The following TIPIN variants were observed in gnomAD, a reference collection of about 807,000 sequenced individuals.
The protein encoded by TIPIN is TIMELESS interacting protein, also known as TIMELESS-interacting protein.
TIPIN carries 29 observed loss-of-function variants against 35.6 expected under a neutral mutation model. That is an observed-to-expected ratio of 0.82 (90% CI 0.61 to 1.11). TIPIN has a LOEUF of 1.11. Among genes scored for constraint, TIPIN ranks in the 50% most tolerant of loss-of-function variants. The pLI, the probability that TIPIN is intolerant of heterozygous loss-of-function variation, is 0.00. For missense variants in TIPIN, 296 were observed against 345.4 expected (o/e 0.86, Z 1.13); for synonymous variants, 102 against 121.5 (o/e 0.84, Z 1.06).
chr15:66,339,979 C>T (rs2140439485), intron 7 of TIPIN, among the ~76,000 whole-genome samples: 1 of 151,438 alleles, frequency 6.6e-6, no homozygotes, highest in South Asian at 2.1e-4. Flanking sequence ...AAGCGATTCT[C>T]CTGCCTCAGC....
Position 66,336,971 on chromosome 15 carries a change from G to A in TIPIN, c.893C>T (p.Thr298Ile). ...CTTAATGGAAACTTATCTAGCTTCA[G>A]TAATATTTCTGGATGTAGCATCAAG... ...QQLDATSRNI[T>I]EAR The change falls in exon 8 of 8, where the codon ACT (threonine) becomes ATT (isoleucine). Residue 298 changes from threonine (T) to isoleucine (I), a missense_variant. Thr to Ile is a moderately conservative substitution (Grantham distance 89). Coordinates refer to ENST00000261881, the MANE Select transcript of TIPIN (RefSeq NM_017858.3). 6.2e-7 allele frequency: 1 copy of A among 1,610,974 alleles called. No individual in the cohort carries two copies. Among genetic ancestry groups the A allele is most frequent in the Non-Finnish European group, 8.5e-7 (1 of 1,177,698 alleles).
At chr15:66,361,650 T>C (rs2140478893), upstream of TIPIN, among the ~76,000 whole-genome samples, 1 of 152,178 alleles carries the variant, frequency 6.6e-6, no homozygotes, top group Middle Eastern at 3.4e-3. Flanking sequence ...TTCTTAGCCA[T>C]TTCACCGGAG....
In TIPIN at chr15:66,336,925, G is replaced by T. The variant is rs745762112; in HGVS notation, c.*33C>A. ...AGTAACGCCAAGCTTGCAGGACGAT[G>T]ACTTAACAGATACATTTTCTCTTAA... On this transcript the variant is annotated 3_prime_UTR_variant, in exon 8 of 8. Coordinates refer to ENST00000261881, the MANE Select transcript of TIPIN (RefSeq NM_017858.3). The T allele has an allele frequency of 3.2e-6, 5 of 1,584,224 alleles. No individual in the cohort carries two copies. The South Asian group carries it at 3.3e-5, about 11-fold the overall frequency.
intron 3 of TIPIN, 41 bp from the exon 4 acceptor site, chr15:66,351,641 C>CTTTTT: frequency 3.1e-5 from 34 of 1,092,202 alleles, no homozygotes; most frequent in Admixed American, 7.9e-5. Flanking sequence ...GTTTTATTTT[C>CTTTTT]TTTTTTTTTT....
intron 1 of TIPIN, among the ~76,000 whole-genome samples, chr15:66,369,008 C>T (rs981175882): frequency 2.6e-5 from 4 of 152,074 alleles, no homozygotes; most frequent in Non-Finnish European, 5.9e-5. Flanking sequence ...AGTGGGCTGC[C>T]TGAACACCAG....
upstream of TIPIN, among the ~76,000 whole-genome samples, chr15:66,358,610 T>G (rs1276129525): frequency 6.6e-6 from 1 of 152,042 alleles, no homozygotes. Context: ...AGATGGGAGT[T>G]TCGCCATGTT....
chr15:66,379,293 A>G, intron 1 of TIPIN: 1 of 1,554,206 alleles, frequency 6.4e-7, no homozygotes, highest in Non-Finnish European at 8.6e-7. Context: ...AGGTCTTAGG[A>G]GTCATCTGGC....
At chr15:66,382,991 G>C (rs2093323489) in intron 1 of TIPIN, 1 of 985,220 alleles carries the variant, frequency 1.0e-6, no homozygotes, top group African/African-American at 1.7e-5. Flanking sequence ...GAACTATTCT[G>C]CAAACTTTAA....
upstream of TIPIN, among the ~76,000 whole-genome samples, chr15:66,357,103 T>C (rs927779984): frequency 6.6e-6 from 1 of 152,060 alleles, no homozygotes; most frequent in African/African-American, 2.4e-5. Context: ...TGTTTGTTTG[T>C]TTGTTTTGCA....
chr15:66,377,321 T>C (rs2093300876), intron 1 of TIPIN, among the ~76,000 whole-genome samples: 1 of 152,156 alleles, frequency 6.6e-6, no homozygotes, highest in Admixed American at 6.6e-5. Flanking sequence ...CTTATGTTTC[T>C]ATTGGATGAA....
At chr15:66,378,666 A>T (rs957254403) in intron 1 of TIPIN, among the ~76,000 whole-genome samples, 10 of 151,672 alleles carry the variant, frequency 6.6e-5, no homozygotes, top group South Asian at 2.1e-4. Context: ...AAAAAAAAAA[A>T]TTTCCCATGA....
rs1023818367 is a variant in TIPIN at position 66,373,215 on chromosome 15, C to T, written c.-9+13392G>A. ...TCGAAATAAAATACACAGTCATGGC[C>T]GGGCGCAGTGGCTCACGCCTGTAAT... On this transcript the variant is annotated intron_variant, in intron 1 of 7. Coordinates refer to the TIPIN transcript ENST00000562124. Among the ~76,000 whole-genome samples the T allele has an allele frequency of 4.6e-5, 7 of 152,106 alleles. No individual in the cohort carries two copies. In the East Asian group the frequency reaches 7.7e-4, roughly 17 times the overall value.
At chr15:66,379,689 T>C (rs1387417109) in intron 1 of TIPIN, 2 of 1,611,272 alleles carry the variant, frequency 1.2e-6, no homozygotes. Context: ...GTTCTGTACA[T>C]GACTACAAAT....
At chr15:66,383,585 G>A (rs1340571260) in intron 1 of TIPIN, 1 of 984,924 alleles carries the variant, frequency 1.0e-6, no homozygotes. Flanking sequence ...ACTTTTTAAT[G>A]TTTATTATTT....
intron 7 of TIPIN, among the ~76,000 whole-genome samples, chr15:66,340,586 C>T (rs374660796): frequency 4.6e-5 from 7 of 152,030 alleles, no homozygotes; most frequent in Admixed American, 2.0e-4. Context: ...AAATCAATTT[C>T]AAGTGATTAA....
At chr15:66,338,717 G>A (rs1354126052) in intron 7 of TIPIN, among the ~76,000 whole-genome samples, 1 of 150,766 alleles carries the variant, frequency 6.6e-6, no homozygotes, top group East Asian at 1.9e-4. Flanking sequence ...GGGAGGCTGA[G>A]GCACGAGAAT....
At chr15:66,346,190 C>T (rs1306633422) in intron 6 of TIPIN, among the ~76,000 whole-genome samples, 6 of 151,644 alleles carry the variant, frequency 4.0e-5, no homozygotes, top group Non-Finnish European at 7.4e-5. Context: ...TCAAGTGATC[C>T]GCCCGTCTTG....
upstream of TIPIN, among the ~76,000 whole-genome samples, chr15:66,360,006 C>T (rs962528648): frequency 6.6e-6 from 1 of 152,152 alleles, no homozygotes; most frequent in Non-Finnish European, 1.5e-5. Context: ...CTTCTGATCT[C>T]AGGTGATCTT....
chr15:66,370,893 A>G (rs991371156), intron 1 of TIPIN, among the ~76,000 whole-genome samples: 2 of 152,172 alleles, frequency 1.3e-5, no homozygotes, highest in Admixed American at 6.6e-5. Flanking sequence ...TATAATATCA[A>G]CTGCACGTGA....
Sources: allele counts gnomAD v4.1 joint callset (sites outside exome capture counted in the v4.1 genomes callset), GRCh38; gene constraint gnomAD v4.1.1; transcripts MANE v1.5; gene names NCBI Gene and HGNC (gene_info 2026-07-23, HGNC 2026-07-21).